Variants in CROCC observed in about 807,000 individuals in gnomAD.
The protein encoded by CROCC is ciliary rootlet coiled-coil, rootletin, also known as rootletin.
Under a neutral mutation model 245.2 loss-of-function variants are expected in CROCC, and 180 were observed. The observed-to-expected ratio is 0.73, with a 90% CI of 0.65 to 0.83. CROCC has a LOEUF of 0.83. Among genes scored for constraint, CROCC ranks in the 40% least tolerant of loss-of-function variants. CROCC has a pLI of 0.00. For missense variants in CROCC, 2,688 were observed against 2,779.4 expected (o/e 0.97, Z 0.74); for synonymous variants, 1,205 against 1,241.6 (o/e 0.97, Z 0.62).
At chr1:16,951,230 T>G (rs1022286767) in intron 20 of CROCC, 108 bp downstream of exon 20, 44 of 1,053,050 alleles carry the variant, frequency 4.2e-5, no homozygotes, top group Admixed American at 2.6e-4. Flanking sequence ...CTCTCTGTTG[T>G]GGAGGTCCTG....
Position 16,961,091 on chromosome 1 carries a change from C to A in CROCC, c.4366C>A (p.Pro1456Thr). The A allele has an allele frequency of 7.3e-7, 1 of 1,364,568 alleles. No individual in the cohort carries two copies. Among genetic ancestry groups the A allele is most frequent in the Non-Finnish European group, 9.4e-7 (1 of 1,062,128 alleles). The allele number at this position is 1,364,568 out of a possible 1,614,324, so 84.5% of individuals were successfully genotyped here. The change falls in exon 27 of 37, where the codon CCA becomes ACA. Residue 1456 changes from proline (P) to threonine (T), a missense_variant. This residue lies in a region of CROCC where 1,218 missense variants were observed against 1,286.3 expected (regional missense o/e 0.95). Transcript: ENST00000375541. ...LGRAPSPAPRPVPGSPARDAP... is the reference protein window; with the variant it reads ...LGRAPSPAPRTVPGSPARDAP... ...TCGCGCGCCCAGCCCAGCCCCGCGGCCAGTGCCCGGTTCCCCTGCCCGGGA... is the reference window on the plus strand; with the variant it reads ...TCGCGCGCCCAGCCCAGCCCCGCGGACAGTGCCCGGTTCCCCTGCCCGGGA...
chr1:16,964,881 C>G (rs1033862209), intron 27 of CROCC, among the ~76,000 whole-genome samples: 1 of 152,228 alleles, frequency 6.6e-6, no homozygotes, highest in African/African-American at 2.4e-5. Context: ...TGGGGTTTCA[C>G]TAGTTGGCAG....
intron 20 of CROCC, among the ~76,000 whole-genome samples, chr1:16,952,794 A>T (rs534486494): frequency 7.2e-5 from 11 of 152,004 alleles, no homozygotes; most frequent in Admixed American, 3.3e-4. Context: ...CCCAACCCCA[A>T]TCCCTCTTCC....
chr1:16,962,661 A>G (rs1453581826), intron 27 of CROCC, among the ~76,000 whole-genome samples: 2 of 150,130 alleles, frequency 1.3e-5, no homozygotes, highest in Non-Finnish European at 3.0e-5. Context: ...GGCATGAGAC[A>G]CTGTGCCCGG....
intron 17 of CROCC, among the ~76,000 whole-genome samples, 172 bp from the exon 18 acceptor site, chr1:16,948,159 C>A (rs573210281): frequency 3.3e-5 from 5 of 152,300 alleles, no homozygotes; most frequent in Non-Finnish European, 7.3e-5. Flanking sequence ...ACGTGCATTG[C>A]AGATCTAGAG....
rs2076316425 is a variant in CROCC, at chr1:16,960,724, T to G, written c.4033-34T>G. The G allele has an allele frequency of 3.4e-6, 5 of 1,466,126 alleles. No individual in the cohort carries two copies. In the South Asian group the frequency reaches 4.0e-5, roughly 12 times the overall value. 90.8% of individuals were successfully genotyped at this position (1,466,126 alleles called of 1,614,324 possible). On this transcript the variant is annotated intron_variant, in intron 26 of 36. Coordinates refer to ENST00000375541, the MANE Select transcript of CROCC (RefSeq NM_014675.5). ...GGGTGGGGCGTCGGGTTGGGAGAGG[T>G]CTTGCCGACCTCCACCTCCTGGCAT...
intron 3 of CROCC, among the ~76,000 whole-genome samples, chr1:16,925,949 G>A (rs1359166879): frequency 6.6e-6 from 1 of 152,280 alleles, no homozygotes; most frequent in Non-Finnish European, 1.5e-5. Flanking sequence ...GCATGGCACA[G>A]TGCCACACCC....
At chr1:16,947,026 G>GCGTGTGGGGGTGGTGTGGAGAA in intron 17 of CROCC, 35 bp downstream of exon 17, 1 of 1,516,648 alleles carries the variant, frequency 6.6e-7, no homozygotes, top group Non-Finnish European at 8.9e-7. Context: ...GGTGTGGAGA[G>GCGTGTGGGGGTGGTGTGGAGAA]CATGTGGGGC....
upstream of CROCC, among the ~76,000 whole-genome samples, chr1:16,918,466 C>T (rs1158194433): frequency 6.6e-6 from 1 of 152,246 alleles, no homozygotes; most frequent in African/African-American, 2.4e-5. Flanking sequence ...GGCTGACATC[C>T]TGTCCCCTTC....
At chr1:16,924,210 C>T (rs1296896428) in intron 2 of CROCC, 115 bp from the exon 3 acceptor site, 19 of 1,297,440 alleles carry the variant, frequency 1.5e-5, no homozygotes, top group Non-Finnish European at 4.2e-6. Context: ...GGTGCTGCAG[C>T]CATTCCCATC....
chr1:16,951,143 G>A, intron 20 of CROCC, 21 bp downstream of exon 20: 1 of 1,477,808 alleles, frequency 6.8e-7, no homozygotes, highest in Non-Finnish European at 9.0e-7. Flanking sequence ...CTGGGGAGGG[G>A]TGGGCAGGAC....
chr1:16,955,351 G>T lies in CROCC; in HGVS notation c.3505G>T (p.Ala1169Ser). Residue 1169 changes from alanine (A) to serine (S), a missense_variant, in exon 24 of 37, where the codon GCC becomes TCC. This residue lies in a region of CROCC where 1,218 missense variants were observed against 1,286.3 expected (regional missense o/e 0.95). Transcript: ENST00000375541. ...LRTQLRLLED[A>S]RDGLRRELLE... ...GACCCAGCTGCGTCTGCTGGAGGAT[G>T]CCCGTGACGGGCTGCGGCGGGAGCT... 1 of 1,608,420 alleles carries T rather than the reference G, an allele frequency of 6.2e-7. No homozygotes were observed.
At chr1:16,965,350 G>A (rs927228233) in intron 27 of CROCC, among the ~76,000 whole-genome samples, 1 of 152,138 alleles carries the variant, frequency 6.6e-6, no homozygotes, top group African/African-American at 2.4e-5. Flanking sequence ...GGTGGGGGTG[G>A]CAGACATCAG....
At chr1:16,956,300 AATG>A in intron 25 of CROCC, 144 bp downstream of exon 25, 1 of 869,502 alleles carries the variant, frequency 1.2e-6, no homozygotes, top group Non-Finnish European at 1.7e-6. Flanking sequence ...CCTTGGTGTG[AATG>A]GATGGGCTTT....
chr1:16,934,837 TTCTTC>T (rs1215649009), intron 8 of CROCC, among the ~76,000 whole-genome samples: 1 of 151,172 alleles, frequency 6.6e-6, no homozygotes, highest in African/African-American at 2.4e-5. Flanking sequence ...TTGCTTCTTC[TTCTTC>T]TTTTTTTTTT....
chr1:16,926,504 G>A (rs1160256822), intron 3 of CROCC, among the ~76,000 whole-genome samples: 1 of 152,262 alleles, frequency 6.6e-6, no homozygotes, highest in African/African-American at 2.4e-5. Context: ...GGCAGTCAGC[G>A]AGATTGTTCT....
At chr1:16,944,546 T>C (rs1160386383) in intron 14 of CROCC, among the ~76,000 whole-genome samples, 3 of 152,306 alleles carry the variant, frequency 2.0e-5, no homozygotes, top group African/African-American at 7.2e-5. Context: ...GTAGTAATAT[T>C]AGCAGTAGTA....
intron 32 of CROCC, 138 bp from the exon 33 acceptor site, chr1:16,969,646 AT>A: frequency 8.1e-7 from 1 of 1,234,766 alleles, no homozygotes; most frequent in South Asian, 1.5e-5. Context: ...TAGGCCGTGG[AT>A]GGGTTTGGTG....
intron 11 of CROCC, 61 bp downstream of exon 11, chr1:16,938,544 A>ACGTCTTTCGGTGACCTGGGACTGAACT (rs2075844025): frequency 6.8e-7 from 1 of 1,462,152 alleles, no homozygotes; most frequent in Non-Finnish European, 9.3e-7. Flanking sequence ...CTCCCCCGCC[A>ACGTCTTTCGGTGACCTGGGACTGAACT]CGTCTTTCGG....
Sources: allele counts gnomAD v4.1 joint callset (sites outside exome capture counted in the v4.1 genomes callset), GRCh38; gene constraint gnomAD v4.1.1; regional missense constraint gnomAD v4.1.1; transcripts MANE v1.5; gene names NCBI Gene and HGNC (gene_info 2026-07-23, HGNC 2026-07-21).